Variants in ETV6 observed in about 807,000 individuals in gnomAD.
ETV6 encodes the protein transcription factor ETV6.
ETV6 carries 16 observed loss-of-function variants against 51.1 expected under a neutral mutation model. The ratio of observed to expected loss-of-function variants is 0.31; its 90% CI spans 0.21 to 0.48. ETV6 has a LOEUF of 0.48. Ranked by LOEUF, ETV6 falls within the 20% of genes least tolerant of loss-of-function variation. The pLI is 0.99. For synonymous variants in ETV6, 240 were observed against 224.1 expected (o/e 1.07, Z -0.64); for missense variants, 458 against 594.8 (o/e 0.77, Z 2.39).
intron 2 of ETV6, among the ~76,000 whole-genome samples, chr12:11,787,065 GA>G (rs1295176503): frequency 6.6e-5 from 10 of 152,274 alleles, no homozygotes; most frequent in Middle Eastern, 3.4e-3. Context: ...TGGGGCCCAT[GA>G]GCCAAGTTTA....
intron 2 of ETV6, among the ~76,000 whole-genome samples, chr12:11,765,656 G>A (rs1591658457): frequency 6.6e-6 from 1 of 151,864 alleles, no homozygotes; most frequent in Admixed American, 6.5e-5. Flanking sequence ...GTAAGGCTGT[G>A]GTTTGAGATA....
chr12:11,864,699 G>A (rs530669052), intron 4 of ETV6, among the ~76,000 whole-genome samples: 4 of 152,038 alleles, frequency 2.6e-5, no homozygotes, highest in African/African-American at 7.2e-5. Context: ...TTAAAGTGAG[G>A]AAGTTAGTGC....
At chr12:11,703,486 A>C (rs1021871293) in intron 1 of ETV6, among the ~76,000 whole-genome samples, 14 of 152,254 alleles carry the variant, frequency 9.2e-5, no homozygotes, top group Admixed American at 7.2e-4. Flanking sequence ...AAAAAAAAAA[A>C]CAGAAGGATA....
At chr12:11,696,453 T>C (rs1591615370) in intron 1 of ETV6, among the ~76,000 whole-genome samples, 1 of 152,326 alleles carries the variant, frequency 6.6e-6, no homozygotes, top group Middle Eastern at 3.4e-3. Flanking sequence ...TTCATGGAGT[T>C]GCAATAAAAA....
chr12:11,723,027 G>A (rs1254218752), intron 1 of ETV6, among the ~76,000 whole-genome samples: 4 of 152,184 alleles, frequency 2.6e-5, no homozygotes, highest in African/African-American at 4.8e-5. Context: ...ATGAGAAGCT[G>A]AGCTCCGAAG....
At chr12:11,680,820 TGA>T (rs1433132195) in intron 1 of ETV6, among the ~76,000 whole-genome samples, 1 of 152,212 alleles carries the variant, frequency 6.6e-6, no homozygotes, top group East Asian at 1.9e-4. Context: ...AGAAGAAGGC[TGA>T]GAGTGGCTCA....
intron 2 of ETV6, among the ~76,000 whole-genome samples, chr12:11,830,825 T>C (rs1025464245): frequency 6.6e-6 from 1 of 152,190 alleles, no homozygotes; most frequent in African/African-American, 2.4e-5. Flanking sequence ...GGAAGATGCA[T>C]TGAGGAGCAT....
chr12:11,695,236 C>T lies in ETV6; in HGVS notation c.33+45076C>T, dbSNP rs115003470. On this transcript the variant is annotated intron_variant, in intron 1 of 7. Coordinates refer to ENST00000396373, the MANE Select transcript of ETV6 (RefSeq NM_001987.5). ...TTGAAATAGAGATTTCTCCACCTCA[C>T]GTAATTAGGATTTGAGAGTTAAATA... 2.1e-4 allele frequency among the ~76,000 whole-genome samples: 32 copies of T among 152,190 alleles called. No individual in the cohort carries two copies. The East Asian group carries it at 2.3e-3, about 11-fold the overall frequency.
At chr12:11,815,799 G>A (rs1945984850) in intron 2 of ETV6, among the ~76,000 whole-genome samples, 1 of 114,464 alleles carries the variant, frequency 8.7e-6, no homozygotes, top group Admixed American at 8.5e-5. Flanking sequence ...TTCGTTTGAC[G>A]GGCAGAGGGA....
chr12:11,714,557 C>T (rs974951027), intron 1 of ETV6, among the ~76,000 whole-genome samples: 5 of 150,930 alleles, frequency 3.3e-5, no homozygotes, highest in Admixed American at 6.6e-5. Flanking sequence ...ACACAGGCAG[C>T]CTCAAGAGGC....
In ETV6 at chr12:11,859,118, G is replaced by GCTTTTTTTTTTTTTTTTTTTTT. The variant is rs1565555150; in HGVS notation, c.463+5557_463+5558insCTTTTTTTTTTTTTTTTTTTTT. On this transcript the variant is annotated intron_variant, in intron 4 of 7. Coordinates refer to ENST00000396373, the MANE Select transcript of ETV6 (RefSeq NM_001987.5). ...TAAAGAAGATGAGGTATATGAATCT[G>GCTTTTTTTTTTTTTTTTTTTTT]GTTTTTTTTTTTTTTTTTTTTTTTT... Among the ~76,000 whole-genome samples the GCTTTTTTTTTTTTTTTTTTTTT allele has an allele frequency of 6.5e-4, 27 of 41,800 alleles. 13 individuals carry two copies. The highest frequency in any genetic ancestry group is 1.5e-3 in the African/African-American group (21 of 14,398). The allele number at this position is 41,800 out of a possible 152,430, so 27.4% of individuals were successfully genotyped here.
Position 11,885,914 on chromosome 12 carries a change from T to C in ETV6, c.1153-12T>C, listed in dbSNP as rs776186431. ...TGTGCTTTTTTTCTCCCTTCCTCCT[T>C]TGAACAAACAGAACAGAACAAACAT... is the stretch of plus-strand genomic sequence containing the variant. On this transcript the variant is annotated splice_polypyrimidine_tract_variant and intron_variant, in intron 6 of 7. Transcript: ENST00000396373. The C allele has an allele frequency of 6.2e-7, 1 of 1,603,036 alleles. No individual in the cohort carries two copies. The highest frequency in any genetic ancestry group is 1.7e-5 in the Admixed American group (1 of 59,520).
intron 1 of ETV6, among the ~76,000 whole-genome samples, chr12:11,743,005 G>A (rs1260811464): frequency 5.3e-5 from 8 of 151,706 alleles, no homozygotes; most frequent in African/African-American, 1.9e-4. Flanking sequence ...ACGGGGTTTC[G>A]CCATGTTGCC....
At chr12:11,714,864 G>A (rs936898629) in intron 1 of ETV6, among the ~76,000 whole-genome samples, 14 of 152,066 alleles carry the variant, frequency 9.2e-5, no homozygotes, top group Admixed American at 7.2e-4. Context: ...TCACAAAGAC[G>A]GTTAGAAGGC....
At chr12:11,691,629 C>T (rs887450608) in intron 1 of ETV6, among the ~76,000 whole-genome samples, 4 of 152,122 alleles carry the variant, frequency 2.6e-5, no homozygotes, top group African/African-American at 9.7e-5. Flanking sequence ...TTTTACTTAA[C>T]GTCTCGACTG....
chr12:11,700,062 T>G (rs1864949782), intron 1 of ETV6, among the ~76,000 whole-genome samples: 1 of 152,178 alleles, frequency 6.6e-6, no homozygotes, highest in African/African-American at 2.4e-5. Context: ...CTGGGCCATT[T>G]TTAATCAACT....
intron 2 of ETV6, among the ~76,000 whole-genome samples, chr12:11,835,657 T>C (rs1946306113): frequency 6.6e-6 from 1 of 152,232 alleles, no homozygotes; most frequent in Non-Finnish European, 1.5e-5. Context: ...TCTCCAGGGA[T>C]CTACAGATTT....
At chr12:11,868,494 A>G (rs1447921003) in intron 4 of ETV6, among the ~76,000 whole-genome samples, 3 of 145,988 alleles carry the variant, frequency 2.1e-5, no homozygotes, top group East Asian at 2.0e-4. Flanking sequence ...CTGGAGTGCA[A>G]TGGTGTGATC....
Position 11,708,143 on chromosome 12 carries a change from C to A in ETV6, c.34-44307C>A, listed in dbSNP as rs76737781. ...CCTTTGTTTCCAACAGGAGAGAGTT[C>A]TCACTACCACATCCAGCCTTGATCT... On this transcript the variant is annotated intron_variant, in intron 1 of 7. Transcript: ENST00000396373. Among the ~76,000 whole-genome samples, 815 of 152,044 alleles carry A rather than the reference C, an allele frequency of 5.4e-3. 5 individuals are homozygous for A. The highest frequency in any genetic ancestry group is 0.019 in the African/African-American group (779 of 41,478).
Sources: gnomAD v4.1 joint callset for allele counts (sites outside exome capture counted in the v4.1 genomes callset) on GRCh38, gnomAD v4.1.1 for gene constraint, MANE v1.5 for transcripts, NCBI Gene and HGNC (gene_info 2026-07-23, HGNC 2026-07-21) for gene names.